SGK1: variants seen among roughly 807,000 people sequenced by gnomAD.
SGK1 encodes serine/threonine-protein kinase Sgk1.
In SGK1, 26 loss-of-function variants were observed where a neutral mutation model predicts 64.2. That is an observed-to-expected ratio of 0.40 (90% confidence interval 0.30 to 0.56). The LOEUF (loss-of-function observed/expected upper bound fraction) is 0.56, where lower values mean the gene tolerates loss of function less well. Ranked by LOEUF, SGK1 falls within the 20% of genes least tolerant of loss-of-function variation. SGK1 has a pLI of 0.38. For synonymous variants in SGK1, 265 were observed against 239.7 expected (o/e 1.11, Z -0.98); for missense variants, 519 against 645.6 (o/e 0.80, Z 2.12).
intron 2 of SGK1, among the ~76,000 whole-genome samples, chr6:134,225,088 G>A (rs937308267): frequency 3.3e-5 from 5 of 151,236 alleles, no homozygotes; most frequent in Admixed American, 2.6e-4. Context: ...GTGGCTCATG[G>A]CTGATAATCC....
intron 1 of SGK1, among the ~76,000 whole-genome samples, chr6:134,293,363 A>T (rs6569936): frequency 0.65 from 99,235 of 152,086 alleles, 32,930 homozygotes; most frequent in East Asian, 0.92. Context: ...GAGTTAGATC[A>T]GTGTTTATTT....
chr6:134,310,570 G>A (rs1045317517), intron 1 of SGK1, among the ~76,000 whole-genome samples: 1 of 152,174 alleles, frequency 6.6e-6, no homozygotes, highest in Non-Finnish European at 1.5e-5. Flanking sequence ...ACATAATGCA[G>A]ATACTATATA....
chr6:134,173,566 GCT>G lies in SGK1; in HGVS notation c.514-2_514-1del. ...AGGTTGATTTGCTGAGAAGGACTTG[GCT>G]AGAAAAAAAAAAAAAGAATTTCTTT... On this transcript the variant is annotated splice_acceptor_variant, in intron 5 of 13. Coordinates refer to ENST00000367858, the MANE Select transcript of SGK1 (RefSeq NM_001143676.3). LOFTEE classifies it high-confidence loss of function. 2 of 1,572,628 alleles carry G rather than the reference GCT, an allele frequency of 1.3e-6. No individual in the cohort carries two copies. The highest frequency in any genetic ancestry group is 2.0e-5 in the Admixed American group (1 of 51,092).
chr6:134,247,450 A>G (rs988485030), intron 2 of SGK1, among the ~76,000 whole-genome samples: 7 of 152,222 alleles, frequency 4.6e-5, no homozygotes, highest in Non-Finnish European at 8.8e-5. Context: ...CACAGAACTC[A>G]AAATGGCATT....
chr6:134,205,668 A>G (rs2114681692), intron 3 of SGK1, among the ~76,000 whole-genome samples: 1 of 152,278 alleles, frequency 6.6e-6, no homozygotes, highest in Middle Eastern at 3.4e-3. Flanking sequence ...TATGTCAGCT[A>G]ACCTATTCAG....
At chr6:134,277,040 T>C (rs1777028240) in intron 1 of SGK1, among the ~76,000 whole-genome samples, 1 of 147,172 alleles carries the variant, frequency 6.8e-6, no homozygotes, top group African/African-American at 2.5e-5. Flanking sequence ...GAGACTCTTG[T>C]CTCAAAAAAA....
At chr6:134,187,004 C>T (rs528419395) in intron 3 of SGK1, among the ~76,000 whole-genome samples, 220 of 152,020 alleles carry the variant, frequency 1.4e-3, no homozygotes, top group African/African-American at 4.8e-3. Context: ...TTAGTACAGA[C>T]GGGGTTTCAG....
intron 3 of SGK1, among the ~76,000 whole-genome samples, chr6:134,181,235 G>T (rs1471925697): frequency 2.6e-5 from 4 of 152,222 alleles, no homozygotes; most frequent in Non-Finnish European, 5.9e-5. Context: ...AGTAAATAAG[G>T]AGTCTGGATT....
At chr6:134,314,725 G>A (rs2114805978) in intron 1 of SGK1, among the ~76,000 whole-genome samples, 1 of 151,830 alleles carries the variant, frequency 6.6e-6, no homozygotes, top group Non-Finnish European at 1.5e-5. Context: ...CAGAAGCATA[G>A]GAAGCACTGT....
Position 134,232,411 on chromosome 6 carries a change from AAG to A in SGK1, c.286-24982_286-24981del, listed in dbSNP as rs1554222949. On this transcript the variant is annotated intron_variant, in intron 2 of 13. Transcript: ENST00000367858. ...AAAAAAGAAAGAAGAAAAAGAAAGAAAGAGAAAGAAAGAAAGAAAGAAAGAAA... is the reference window on the plus strand; with the variant it reads ...AAAAAAGAAAGAAGAAAAAGAAAGAAAGAAAGAAAGAAAGAAAGAAAGAAA... 4.5e-3 allele frequency among the ~76,000 whole-genome samples: 135 copies of A among 30,276 alleles called. 10 individuals carry two copies. The highest frequency in any genetic ancestry group is 0.013 in the African/African-American group (127 of 10,044). The allele number at this position is 30,276 out of a possible 152,430, so 19.9% of individuals were successfully genotyped here. A position where few individuals can be genotyped will look rare whatever the true frequency, so the allele number is the denominator to read the frequency against.
chr6:134,285,296 T>G (rs1006089227), intron 1 of SGK1, among the ~76,000 whole-genome samples: 18 of 151,988 alleles, frequency 1.2e-4, no homozygotes, highest in African/African-American at 3.9e-4. Context: ...GGCTAACATG[T>G]TGAAACCCCA....
chr6:134,292,062 CAA>C (rs35485310), intron 1 of SGK1, among the ~76,000 whole-genome samples: 4 of 132,992 alleles, frequency 3.0e-5, no homozygotes, highest in South Asian at 4.9e-4. Context: ...GACTCTCTCT[CAA>C]AAAAAAAAAA....
intron 1 of SGK1, among the ~76,000 whole-genome samples, chr6:134,316,865 A>G (rs1019420068): frequency 6.6e-6 from 1 of 151,408 alleles, no homozygotes; most frequent in Non-Finnish European, 1.5e-5. Context: ...AGGTCATTCT[A>G]CTCCTTTGCT....
In SGK1 at chr6:134,184,504, C is replaced by CAAAA. The variant is rs1162404618; in HGVS notation, c.362-9922_362-9919dup. 3.0e-4 allele frequency among the ~76,000 whole-genome samples: 19 copies of CAAAA among 63,570 alleles called. 2 individuals carry two copies. Among genetic ancestry groups the CAAAA allele is most frequent in the Non-Finnish European group, 5.1e-4 (18 of 35,388 alleles). The allele number at this position is 63,570 out of a possible 152,430, so 41.7% of individuals were successfully genotyped here. On this transcript the variant is annotated intron_variant, in intron 3 of 13. Coordinates refer to ENST00000367858, the MANE Select transcript of SGK1 (RefSeq NM_001143676.3). ...TGGGTGACAGAGTGAGACTCCATCT[C>CAAAA]AAAAAAAAAAAAAAAAAAAAAAAAA...
intron 1 of SGK1, among the ~76,000 whole-genome samples, chr6:134,269,617 C>T (rs1776909554): frequency 6.9e-6 from 1 of 144,364 alleles, no homozygotes; most frequent in Admixed American, 7.2e-5. Context: ...AAGATCGTGC[C>T]ACTGCACTCC....
At chr6:134,192,643 C>T (rs1775533549) in intron 3 of SGK1, among the ~76,000 whole-genome samples, 1 of 149,896 alleles carries the variant, frequency 6.7e-6, no homozygotes, top group Non-Finnish European at 1.5e-5. Flanking sequence ...GATCTTGGCT[C>T]ACTGCAAACT....
Position 134,220,501 on chromosome 6 carries a change from G to A in SGK1, c.286-13070C>T, listed in dbSNP as rs116639705. 1.9e-3 allele frequency among the ~76,000 whole-genome samples: 295 copies of A among 152,286 alleles called. 1 individual carries two copies. Among genetic ancestry groups the A allele is most frequent in the African/African-American group, 6.6e-3 (274 of 41,558 alleles). ...TTAGATATAGCAGTTTAGAGCATGA[G>A]CTCTGGTGTCAGACAGACCTAGAGA... On this transcript the variant is annotated intron_variant, in intron 2 of 13. Transcript: ENST00000367858.
At position 134,174,233 on chromosome 6, in the gene SGK1, A is replaced by T. The variant is rs1018666562; in HGVS notation, c.438-153T>A. 24 of 620,452 alleles carry T rather than the reference A, an allele frequency of 3.9e-5. No homozygotes were observed. The African/African-American group carries it at 4.4e-4, about 11-fold the overall frequency. 38.4% of individuals were successfully genotyped at this position (620,452 alleles called of 1,614,324 possible). A position where few individuals can be genotyped will look rare whatever the true frequency, so the allele number is the denominator to read the frequency against. ...AATACATTAGTCAGTTAAAGAAAATAATAAACCCCATTAAATACAGAAATA... is the reference window on the plus strand; with the variant it reads ...AATACATTAGTCAGTTAAAGAAAATTATAAACCCCATTAAATACAGAAATA... On this transcript the variant is annotated intron_variant, in intron 4 of 13. Coordinates refer to ENST00000367858, the MANE Select transcript of SGK1 (RefSeq NM_001143676.3).
intron 2 of SGK1, among the ~76,000 whole-genome samples, chr6:134,208,650 G>C (rs529150067): frequency 2.8e-4 from 43 of 152,040 alleles, no homozygotes; most frequent in African/African-American, 1.0e-3. Flanking sequence ...CCATTCCTGA[G>C]TTACTTCACT....
Sources: allele counts gnomAD v4.1 joint callset (sites outside exome capture counted in the v4.1 genomes callset), GRCh38; gene constraint gnomAD v4.1.1; transcripts MANE v1.5; gene names NCBI Gene and HGNC (gene_info 2026-07-23, HGNC 2026-07-21).